Variants in TSGA10 observed in about 807,000 individuals in gnomAD.
TSGA10 encodes the protein testis specific 10, also known as testis-specific gene 10 protein.
In TSGA10, 43 loss-of-function variants were observed where a neutral mutation model predicts 96.6. That is an observed-to-expected ratio of 0.44 (90% CI 0.35 to 0.57). The LOEUF (loss-of-function observed/expected upper bound fraction) is 0.57. TSGA10 is among the 20% of genes least tolerant of loss of function. The pLI, the probability that TSGA10 is intolerant of heterozygous loss-of-function variation, is 0.01. For synonymous variants in TSGA10, 229 were observed against 269.9 expected (o/e 0.85, Z 1.48); for missense variants, 703 against 834.4 (o/e 0.84, Z 1.94).
chr2:99,012,154 A>G (rs10196680), intron 20 of TSGA10, among the ~76,000 whole-genome samples: 53,264 of 151,992 alleles, frequency 0.35, 10,660 homozygotes, highest in African/African-American at 0.55. Context: ...CAGCACTACA[A>G]GAACTGTTTA....
At chr2:99,138,756 T>C (rs545433776) in intron 1 of TSGA10, among the ~76,000 whole-genome samples, 1 of 152,268 alleles carries the variant, frequency 6.6e-6, no homozygotes, top group South Asian at 2.1e-4. Flanking sequence ...CATCCTCTCC[T>C]CAGAAAAATG....
At chr2:99,144,361 C>T (rs149295454) in intron 1 of TSGA10, among the ~76,000 whole-genome samples, 280 of 151,976 alleles carry the variant, frequency 1.8e-3, no homozygotes, top group African/African-American at 6.3e-3. Flanking sequence ...CTCCTTATGC[C>T]GAGGCCTGAA....
chr2:99,105,344 T>C lies in TSGA10; in HGVS notation c.459+15A>G. The C allele has an allele frequency of 2.3e-6, 3 of 1,305,580 alleles. No individual in the cohort carries two copies. The highest frequency in any genetic ancestry group is 2.0e-6 in the Non-Finnish European group (2 of 980,336). 80.9% of individuals were successfully genotyped at this position (1,305,580 alleles called of 1,614,324 possible). A position where few individuals can be genotyped will look rare whatever the true frequency, so the allele number is the denominator to read the frequency against. ...TTTATAGCCAAAAGAGACTTTTCTT[T>C]TTTTTTTTTTTTACATTATGAACTG... On this transcript the variant is annotated intron_variant, in intron 9 of 20. Transcript: ENST00000393483.
intron 12 of TSGA10, 92 bp downstream of exon 12, chr2:99,078,567 A>G: frequency 7.8e-7 from 1 of 1,278,456 alleles, no homozygotes; most frequent in South Asian, 1.5e-5. Flanking sequence ...AAATTCAAAT[A>G]TTTTATTCAG....
chr2:99,080,285 T>C (rs2087285257), intron 11 of TSGA10, among the ~76,000 whole-genome samples: 1 of 152,184 alleles, frequency 6.6e-6, no homozygotes, highest in South Asian at 2.1e-4. Context: ...CTTATTTCAC[T>C]TCTCAAAAGT....
At chr2:99,065,615 T>G (rs1328222774) in intron 15 of TSGA10, among the ~76,000 whole-genome samples, 2 of 152,222 alleles carry the variant, frequency 1.3e-5, no homozygotes, top group Non-Finnish European at 2.9e-5. Flanking sequence ...CTGTCTGGTG[T>G]CTGCCTTTTA....
intron 16 of TSGA10, among the ~76,000 whole-genome samples, chr2:99,051,918 T>G (rs927325872): frequency 6.6e-6 from 1 of 151,624 alleles, no homozygotes; most frequent in African/African-American, 2.4e-5. Context: ...AATTGGAAAA[T>G]ACTTTGAGAT....
intron 16 of TSGA10, among the ~76,000 whole-genome samples, chr2:99,061,977 A>G (rs901992720): frequency 2.6e-4 from 39 of 152,242 alleles, no homozygotes; most frequent in African/African-American, 9.2e-4. Flanking sequence ...TTTGCAGACC[A>G]AGGAGAGAAG....
intron 20 of TSGA10, among the ~76,000 whole-genome samples, chr2:99,009,527 G>A (rs558343137): frequency 9.2e-4 from 128 of 139,096 alleles, no homozygotes; most frequent in African/African-American, 3.2e-3. Flanking sequence ...AGCCGAGATC[G>A]CACCACTGCA....
At chr2:99,055,155 T>A (rs907878945) in intron 16 of TSGA10, among the ~76,000 whole-genome samples, 2 of 152,160 alleles carry the variant, frequency 1.3e-5, no homozygotes, top group African/African-American at 4.8e-5. Context: ...TATATAGATA[T>A]ACAATGAAAT....
Position 99,071,766 on chromosome 2 carries a change from G to A in TSGA10, c.1047C>T (p.Ile349=), listed in dbSNP as rs777761075. ...GGAGATTGTCATTGTCATGAGCCAA[G>A]ATATCTCTTTCCCTGGCGATCTGGG... ...ELAQIARERD[I]LAHDNDNLQE... is the part of the protein sequence containing the mutation. The change falls in exon 14 of 21, where the codon ATC becomes ATT. Residue 349 remains isoleucine, a synonymous_variant. Coordinates refer to ENST00000393483, the MANE Select transcript of TSGA10 (RefSeq NM_025244.4). 10 of 1,613,828 alleles carry A rather than the reference G, an allele frequency of 6.2e-6. No individual in the cohort carries two copies. The highest frequency in any genetic ancestry group is 1.1e-5 in the South Asian group (1 of 91,072).
chr2:99,013,220 T>C (rs1220834636), intron 20 of TSGA10, among the ~76,000 whole-genome samples: 1 of 152,188 alleles, frequency 6.6e-6, no homozygotes, highest in Non-Finnish European at 1.5e-5. Context: ...TGATAAGTTG[T>C]GTTTCACTAT....
chr2:99,041,980 GAAAC>G (rs1458347261), intron 16 of TSGA10, among the ~76,000 whole-genome samples: 2 of 148,646 alleles, frequency 1.3e-5, no homozygotes, highest in Non-Finnish European at 3.0e-5. Flanking sequence ...CAGCAAGAAA[GAAAC>G]AAACAATCTG....
chr2:99,010,238 A>T (rs2104866311), intron 20 of TSGA10, among the ~76,000 whole-genome samples: 1 of 152,352 alleles, frequency 6.6e-6, no homozygotes, highest in East Asian at 1.9e-4. Context: ...GATAGGAGAC[A>T]GGTCTAACGT....
At chr2:99,092,022 A>G (rs953125130) in intron 10 of TSGA10, among the ~76,000 whole-genome samples, 1 of 152,192 alleles carries the variant, frequency 6.6e-6, no homozygotes, top group African/African-American at 2.4e-5. Flanking sequence ...AAGATAGACC[A>G]TATCATAGGC....
At chr2:99,103,832 G>T in intron 10 of TSGA10, 135 bp downstream of exon 10, 1 of 1,019,028 alleles carries the variant, frequency 9.8e-7, no homozygotes, top group Non-Finnish European at 1.4e-6. Context: ...TGTGTGCCAA[G>T]GGTTCCTACA....
intron 20 of TSGA10, among the ~76,000 whole-genome samples, chr2:98,999,084 T>A (rs1380696563): frequency 6.6e-6 from 1 of 151,928 alleles, no homozygotes; most frequent in Non-Finnish European, 1.5e-5. Flanking sequence ...TTAGTAGAGA[T>A]GGGGTTTTGC....
chr2:99,152,364 G>A (rs1270981610), intron 1 of TSGA10, among the ~76,000 whole-genome samples: 1 of 152,130 alleles, frequency 6.6e-6, no homozygotes, highest in African/African-American at 2.4e-5. Flanking sequence ...ATAGCTCAGT[G>A]CAGTGTCGAA....
chr2:99,040,981 C>A (rs1318763065), intron 16 of TSGA10, among the ~76,000 whole-genome samples: 1 of 152,192 alleles, frequency 6.6e-6, no homozygotes, highest in African/African-American at 2.4e-5. Flanking sequence ...CTGGACAGGC[C>A]CAGGCAAGTC....
Sources: allele counts gnomAD v4.1 joint callset (sites outside exome capture counted in the v4.1 genomes callset), GRCh38; gene constraint gnomAD v4.1.1; transcripts MANE v1.5; gene names NCBI Gene and HGNC (gene_info 2026-07-23, HGNC 2026-07-21).